Variants in GFOD1 observed in about 807,000 individuals in gnomAD.
GFOD1 encodes the protein Gfo/Idh/MocA-like oxidoreductase domain containing 1.
Under a neutral mutation model 25.4 loss-of-function variants are expected in GFOD1, and 9 were observed. That is an observed-to-expected ratio of 0.35 (90% CI 0.21 to 0.62). GFOD1 has a LOEUF of 0.62. Ranked by LOEUF, GFOD1 falls within the 20% of genes least tolerant of loss-of-function variation. GFOD1 has a pLI of 0.72. For synonymous variants in GFOD1, 253 were observed against 245.6 expected, an observed-to-expected ratio of 1.03 and a Z score of -0.28; for missense variants, 403 against 556.9, an observed-to-expected ratio of 0.72 and a Z score of 2.78.
intron 1 of GFOD1, among the ~76,000 whole-genome samples, chr6:13,465,246 A>T (rs1440114163): frequency 1.3e-5 from 2 of 152,006 alleles, no homozygotes; most frequent in Admixed American, 6.6e-5. Flanking sequence ...AAAAATTTTC[A>T]TAATGTTTTA....
intron 1 of GFOD1, among the ~76,000 whole-genome samples, chr6:13,481,263 C>T (rs1050669717): frequency 1.3e-5 from 2 of 152,184 alleles, no homozygotes; most frequent in Non-Finnish European, 2.9e-5. Flanking sequence ...CAAAGTAACA[C>T]GTAAGCTGAG....
intron 1 of GFOD1, among the ~76,000 whole-genome samples, chr6:13,374,630 C>T (rs770124484): frequency 1.4e-4 from 21 of 149,446 alleles, no homozygotes; most frequent in South Asian, 4.2e-4. Context: ...TTAATTGACA[C>T]GTAATAATTA....
intron 1 of GFOD1, among the ~76,000 whole-genome samples, chr6:13,428,384 A>G (rs1757681975): frequency 6.6e-6 from 1 of 152,134 alleles, no homozygotes; most frequent in South Asian, 2.1e-4. Flanking sequence ...CTGGGGAGGA[A>G]GTGAGAAGGA....
In GFOD1 at chr6:13,486,825, T is replaced by C; in HGVS notation, c.66A>G (p.Lys22=). The C allele has an allele frequency of 6.2e-7, 1 of 1,613,822 alleles. No individual in the cohort carries two copies. Among genetic ancestry groups the C allele is most frequent in the Non-Finnish European group, 8.5e-7 (1 of 1,179,976 alleles). The change falls in exon 1 of 2, where the codon AAA becomes AAG. Residue 22 remains lysine (K), a synonymous_variant. Transcript: ENST00000379287. ...GCGCCTTCACCGCGAAGCCCTCGTC[T>C]TTCAGCAGCGGGATGATGACACGGG... The part of the protein sequence containing the change: ...LTARVIIPLL[K]DEGFAVKALW...
chr6:13,365,325 C>G lies in GFOD1; in HGVS notation c.591G>C (p.Gly197=). Residue 197 remains glycine (G), a synonymous_variant, in exon 2 of 2, where the codon GGG becomes GGC. Transcript: ENST00000379287. This position sits in a 1 kb window ranked among gnomAD's most constrained non-coding sequence, Gnocchi z 9.2. ...TCTGCTTCACGAAGGTCTTGAGCAGCCCGTGGACCTTGACGGCCTTTTGGC... is the reference window on the plus strand; with the variant it reads ...TCTGCTTCACGAAGGTCTTGAGCAGGCCGTGGACCTTGACGGCCTTTTGGC... ...LTGQKAVKVH[G]LLKTFVKQTD... 1.2e-6 allele frequency: 2 copies of G among 1,614,236 alleles called. No homozygotes were observed. Among genetic ancestry groups the G allele is most frequent in the Non-Finnish European group, 8.5e-7 (1 of 1,180,036 alleles).
intron 1 of GFOD1, among the ~76,000 whole-genome samples, chr6:13,467,444 C>T (rs1758396823): frequency 6.6e-6 from 1 of 152,168 alleles, no homozygotes; most frequent in African/African-American, 2.4e-5. Flanking sequence ...CACACCACCA[C>T]ACACACAGCC....
chr6:13,420,705 A>C (rs1249215855), intron 1 of GFOD1, among the ~76,000 whole-genome samples: 1 of 152,226 alleles, frequency 6.6e-6, no homozygotes, highest in African/African-American at 2.4e-5. Context: ...TAAATTAACA[A>C]GACTTCTAGT....
At chr6:13,462,093 T>A (rs777787061) in intron 1 of GFOD1, among the ~76,000 whole-genome samples, 3 of 152,106 alleles carry the variant, frequency 2.0e-5, no homozygotes, top group African/African-American at 4.8e-5. Context: ...AAGTGAAGAG[T>A]CACTTCCTCA....
intron 1 of GFOD1, among the ~76,000 whole-genome samples, chr6:13,397,778 C>T (rs511992): frequency 0.95 from 144,126 of 152,338 alleles, 68,723 homozygotes; most frequent in East Asian, 1. Flanking sequence ...GGCATTATCC[C>T]GGCACATTCT....
In GFOD1 at chr6:13,359,012, T is replaced by C. The variant is rs1210655650; in HGVS notation, c.*5731A>G. 6.6e-6 allele frequency: 1 copy of C among 152,310 alleles called. No homozygotes were observed. The allele number at this position is 152,310 out of a possible 1,614,324, so 9.4% of individuals were successfully genotyped here. On this transcript the variant is annotated 3_prime_UTR_variant, in exon 2 of 2. Coordinates refer to ENST00000379287, the MANE Select transcript of GFOD1 (RefSeq NM_018988.4). The stretch of plus-strand genomic sequence containing the variant: ...AGGCCAGTGGGCCATTGCCTTCCAC[T>C]CCTGAGACAGTACCGGCTTCACCTC...
Position 13,464,149 on chromosome 6 carries a change from C to T in GFOD1, c.253+22489G>A, listed in dbSNP as rs147409958. On this transcript the variant is annotated intron_variant, in intron 1 of 1. Transcript: ENST00000379287. ...TGACTCAGATCACGAGAGAGTGAGG[C>T]AAAGTGTCTGCTCCACAGTGCCACA... Among the ~76,000 whole-genome samples the T allele has an allele frequency of 3.9e-5, 6 of 152,318 alleles. No homozygotes were observed. In the East Asian group the frequency reaches 1.2e-3, roughly 29 times the overall value.
In GFOD1 at chr6:13,482,957, TG is replaced by T. The variant is rs1443598258; in HGVS notation, c.253+3680del. Among the ~76,000 whole-genome samples, 7 of 151,318 alleles carry T rather than the reference TG, an allele frequency of 4.6e-5. No homozygotes were observed. In the East Asian group the frequency reaches 1.2e-3, roughly 25 times the overall value. On this transcript the variant is annotated intron_variant, in intron 1 of 1. Transcript: ENST00000379287. ...ATGTAAAATATATGTATATATTATG[TG>T]TTATATATACATATATATATGGCCT...
chr6:13,469,991 T>C, intron 1 of GFOD1: 3 of 1,320,788 alleles, frequency 2.3e-6, no homozygotes, highest in Non-Finnish European at 3.0e-6. Flanking sequence ...GCACATGCCA[T>C]ATCTTATATG....
At chr6:13,394,064 A>G (rs1584625259) in intron 1 of GFOD1, among the ~76,000 whole-genome samples, 1 of 152,204 alleles carries the variant, frequency 6.6e-6, no homozygotes, top group Non-Finnish European at 1.5e-5. Flanking sequence ...GGCGTGAGCC[A>G]CTGTGCCTGG....
chr6:13,477,285 C>G (rs1012167539), intron 1 of GFOD1, among the ~76,000 whole-genome samples: 2 of 150,150 alleles, frequency 1.3e-5, no homozygotes, highest in African/African-American at 2.4e-5. Flanking sequence ...GGAATTGGCT[C>G]GCACAATTGT....
At chr6:13,432,818 A>T (rs1757772685) in intron 1 of GFOD1, among the ~76,000 whole-genome samples, 1 of 152,134 alleles carries the variant, frequency 6.6e-6, no homozygotes, top group Non-Finnish European at 1.5e-5. Flanking sequence ...TCTCCTGTGC[A>T]TCTGTCTCCC....
intron 1 of GFOD1, among the ~76,000 whole-genome samples, chr6:13,409,442 C>T (rs144688193): frequency 6.8e-4 from 103 of 152,220 alleles, no homozygotes; most frequent in African/African-American, 2.3e-3. Flanking sequence ...AAATGAAATG[C>T]CTCCAAACCC....
intron 1 of GFOD1, among the ~76,000 whole-genome samples, chr6:13,451,544 T>A (rs548541137): frequency 6.6e-6 from 1 of 151,988 alleles, no homozygotes; most frequent in South Asian, 2.1e-4. Flanking sequence ...GCCCTCCGAG[T>A]AGCTGTCAAG....
intron 1 of GFOD1, among the ~76,000 whole-genome samples, chr6:13,392,591 C>A (rs1343794909): frequency 6.6e-6 from 1 of 152,054 alleles, no homozygotes; most frequent in Non-Finnish European, 1.5e-5. Context: ...CTTCAGCAGA[C>A]CCTGTTGCTG....
Sources: gnomAD v4.1 joint callset for allele counts (sites outside exome capture counted in the v4.1 genomes callset) on GRCh38, gnomAD v4.1.1 for gene constraint, Gnocchi (gnomAD v3.1) non-coding constraint, MANE v1.5 for transcripts, NCBI Gene and HGNC (gene_info 2026-07-23, HGNC 2026-07-21) for gene names.